ZNF331: variants seen among roughly 807,000 people sequenced by gnomAD.
ZNF331 encodes the protein zinc finger protein 331.
A neutral mutation model predicts 7.0 loss-of-function variants in ZNF331; 2 were observed. The observed-to-expected ratio is 0.29, with a 90% CI of 0.12 to 0.90. The LOEUF is 0.90. Among genes scored for constraint, ZNF331 ranks in the 40% least tolerant of loss-of-function variants. ZNF331 has a pLI of 0.58. For synonymous variants in ZNF331, 196 were observed against 205.4 expected (o/e 0.95, Z 0.39); for missense variants, 432 against 587.7 (o/e 0.74, Z 2.74).
chr19:53,540,485 C>T (rs963663063), intron 2 of ZNF331, among the ~76,000 whole-genome samples: 6 of 151,954 alleles, frequency 3.9e-5, no homozygotes, highest in African/African-American at 9.7e-5. Context: ...CATGCTGGAG[C>T]GCAGTGGCAC....
chr19:53,521,929 C>T (rs1313457747), exon 1 of ZNF331: 1 of 152,168 alleles, frequency 6.6e-6, no homozygotes, highest in East Asian at 1.9e-4. Context: ...CCCAAAGTGA[C>T]GTGAGAGGCT....
chr19:53,524,761 T>C (rs1181344571), intron 2 of ZNF331, among the ~76,000 whole-genome samples: 2 of 152,220 alleles, frequency 1.3e-5, no homozygotes, highest in Non-Finnish European at 2.9e-5. Flanking sequence ...AGAAGCTCTT[T>C]AGTTTAATTA....
At chr19:53,532,855 TTGTAA>T (rs747091933) in intron 2 of ZNF331, among the ~76,000 whole-genome samples, 46 of 152,178 alleles carry the variant, frequency 3.0e-4, no homozygotes, top group Admixed American at 2.4e-3. Context: ...GTGGTATGAG[TTGTAA>T]TGTCTCCATT....
chr19:53,576,896 T>A lies in ZNF331; in HGVS notation c.336T>A (p.Ala112=). 5.6e-6 allele frequency: 9 copies of A among 1,614,118 alleles called. No homozygotes were observed. The highest frequency in any genetic ancestry group is 7.6e-6 in the Non-Finnish European group (9 of 1,180,000). The change falls in exon 6 of 6, where the codon GCT becomes GCA. Residue 112 remains alanine (A), a synonymous_variant. Coordinates refer to ENST00000449416, the MANE Select transcript of ZNF331 (RefSeq NM_001079906.2). ...QMIINYVKRP[A]TREGTPPRTH... ...TCATCAATTATGTCAAAAGACCTGC[T>A]ACTAGAGAAGGCACCCCTCCTAGAA...
At position 53,539,711 on chromosome 19, in the gene ZNF331, T is replaced by TC. The variant is rs1462988132; in HGVS notation, c.-138+434dup. Among the ~76,000 whole-genome samples the TC allele has an allele frequency of 6.6e-6, 1 of 152,126 alleles. No homozygotes were observed. The highest frequency in any genetic ancestry group is 1.5e-5 in the Non-Finnish European group (1 of 68,032). On this transcript the variant is annotated intron_variant, in intron 2 of 5. Transcript: ENST00000449416. This position sits in a 1 kb window ranked among gnomAD's most constrained non-coding sequence, Gnocchi z 6.1. ...GTGATTATCAGTGTTAGTGTATCTG[T>TC]CCCCCACCACCACCACCCTAAGGAG...
chr19:53,547,562 T>C (rs1369569569), intron 2 of ZNF331, among the ~76,000 whole-genome samples: 1 of 152,242 alleles, frequency 6.6e-6, no homozygotes, highest in Non-Finnish European at 1.5e-5. Flanking sequence ...GTGGGATTGC[T>C]GCGTCATCTG....
Position 53,540,653 on chromosome 19 carries a change from G to A in ZNF331, c.-138+1371G>A, listed in dbSNP as rs140415275. On this transcript the variant is annotated intron_variant, in intron 2 of 5. Transcript: ENST00000449416. ...TCTCCTTGTTGATCAGGCTGGTCTC[G>A]AACTCCTGACCTCAGGTGATTAATT... 5.8e-3 allele frequency among the ~76,000 whole-genome samples: 874 copies of A among 151,968 alleles called. 4 individuals are homozygous for A. Among genetic ancestry groups the A allele is most frequent in the Middle Eastern group, 0.02 (6 of 294 alleles).
At position 53,558,915 on chromosome 19, in the gene ZNF331, T is replaced by C. The variant is rs2089607785; in HGVS notation, c.-74+3007T>C. Reference sequence around the variant, plus strand: ...ATATACACACCTATACACACCTACATATATACACACACATACACACCATAC... The same window carrying C: ...ATATACACACCTATACACACCTACACATATACACACACATACACACCATAC... On this transcript the variant is annotated intron_variant, in intron 3 of 5. Transcript: ENST00000449416. The surrounding 1 kb of genome is among the most constrained non-coding windows in gnomAD (Gnocchi z 4.5). 1.5e-5 allele frequency among the ~76,000 whole-genome samples: 2 copies of C among 134,544 alleles called. No individual in the cohort carries two copies. Among genetic ancestry groups the C allele is most frequent in the African/African-American group, 6.5e-5 (2 of 30,728 alleles). 88.3% of individuals were successfully genotyped at this position (134,544 alleles called of 152,430 possible). A position where few individuals can be genotyped will look rare whatever the true frequency, so the allele number is the denominator to read the frequency against.
chr19:53,561,475 G>C (rs1303637543), intron 3 of ZNF331, among the ~76,000 whole-genome samples: 3 of 151,896 alleles, frequency 2.0e-5, no homozygotes, highest in Non-Finnish European at 2.9e-5. Context: ...CCTCCTCTTT[G>C]CCCTTAAGCA....
intron 2 of ZNF331, among the ~76,000 whole-genome samples, chr19:53,530,199 G>A (rs971390317): frequency 1.3e-5 from 2 of 152,048 alleles, no homozygotes; most frequent in Non-Finnish European, 2.9e-5. Flanking sequence ...ACTTTTAAAT[G>A]ACCAGATTTT....
At chr19:53,505,061 G>GCTGA in the ZNF331 span, among the ~76,000 whole-genome samples, 1 of 152,178 alleles carries the variant, frequency 6.6e-6, no homozygotes, top group Non-Finnish European at 1.5e-5. Flanking sequence ...CGAAGCTGAT[G>GCTGA]CTGAGTTCAT....
the ZNF331 span, among the ~76,000 whole-genome samples, chr19:53,511,247 C>T: frequency 6.6e-6 from 1 of 152,020 alleles, no homozygotes; most frequent in Non-Finnish European, 1.5e-5. Flanking sequence ...TCATACTATA[C>T]AATATGGAAA....
intron 3 of ZNF331, among the ~76,000 whole-genome samples, chr19:53,556,157 G>C (rs1398973612): frequency 4.6e-5 from 7 of 150,636 alleles, no homozygotes; most frequent in African/African-American, 1.5e-4. Flanking sequence ...GCAGGAGAAT[G>C]GCGGGAACCC....
At chr19:53,543,788 CA>C (rs1420032884) in intron 2 of ZNF331, among the ~76,000 whole-genome samples, 2 of 152,142 alleles carry the variant, frequency 1.3e-5, no homozygotes, top group Non-Finnish European at 2.9e-5. Context: ...AGTGACGAAA[CA>C]GACACTATGA....
At chr19:53,504,605 G>T in the ZNF331 span, among the ~76,000 whole-genome samples, 132 of 152,146 alleles carry the variant, frequency 8.7e-4, no homozygotes, top group African/African-American at 3.0e-3. Flanking sequence ...CGGAGTAGAC[G>T]GGGGGAATGT....
chr19:53,506,291 C>T, the ZNF331 span, among the ~76,000 whole-genome samples: 3 of 108,456 alleles, frequency 2.8e-5, no homozygotes, highest in Non-Finnish European at 5.7e-5. Context: ...GCGGAGATCG[C>T]GCCACCGCAC....
chr19:53,566,442 G>A lies in ZNF331; in HGVS notation c.-73-2862G>A, dbSNP rs1340361343. On this transcript the variant is annotated intron_variant, in intron 3 of 5. Transcript: ENST00000449416. ...CAAGTAGCTGGGTTTACAGGCACCCGCCACCAGGCCCAGCTAATTTTTGTA... is the reference window on the plus strand; with the variant it reads ...CAAGTAGCTGGGTTTACAGGCACCCACCACCAGGCCCAGCTAATTTTTGTA... Among the ~76,000 whole-genome samples, 7 of 152,100 alleles carry A rather than the reference G, an allele frequency of 4.6e-5. No individual in the cohort carries two copies. The East Asian group carries it at 1.2e-3, about 25-fold the overall frequency.
At chr19:53,515,841 A>G (rs2086893301), upstream of ZNF331, among the ~76,000 whole-genome samples, 1 of 152,154 alleles carries the variant, frequency 6.6e-6, no homozygotes, top group South Asian at 2.1e-4. Context: ...TTCTGTCTCC[A>G]TCTTCATGTT....
chr19:53,527,769 A>T (rs2087362243), intron 2 of ZNF331, among the ~76,000 whole-genome samples: 1 of 152,258 alleles, frequency 6.6e-6, no homozygotes. Flanking sequence ...CAGGCCAGTT[A>T]TCTTTCTCTT....
Sources: allele counts gnomAD v4.1 joint callset (sites outside exome capture counted in the v4.1 genomes callset), GRCh38; gene constraint gnomAD v4.1.1; non-coding constraint Gnocchi (gnomAD v3.1); transcripts MANE v1.5; gene names NCBI Gene and HGNC (gene_info 2026-07-23, HGNC 2026-07-21).